MAST4: variants seen among roughly 807,000 people sequenced by gnomAD.
MAST4 encodes the protein microtubule associated serine/threonine kinase family member 4.
A neutral mutation model predicts 162.7 loss-of-function variants in MAST4; 89 were observed. That is an observed-to-expected ratio of 0.55 (90% CI 0.46 to 0.65). The LOEUF is 0.65. Among genes scored for constraint, MAST4 ranks in the 30% least tolerant of loss-of-function variants. MAST4 has a pLI of 0.00. For synonymous variants in MAST4, 1,479 were observed against 1,361.1 expected (o/e 1.09, Z -1.91); for missense variants, 3,153 against 3,374.0 (o/e 0.93, Z 1.62).
chr5:66,892,552 A>G (rs995570704), intron 3 of MAST4, among the ~76,000 whole-genome samples: 1 of 152,232 alleles, frequency 6.6e-6, no homozygotes, highest in East Asian at 1.9e-4. Context: ...CTGAAATTAC[A>G]GAACTTCAAG....
intron 4 of MAST4, among the ~76,000 whole-genome samples, chr5:66,987,838 T>A (rs1229229418): frequency 6.6e-6 from 1 of 152,212 alleles, no homozygotes; most frequent in Non-Finnish European, 1.5e-5. Context: ...CTATTTATTA[T>A]GTGGATTACA....
chr5:66,625,705 A>G (rs1744380816), intron 1 of MAST4, among the ~76,000 whole-genome samples: 1 of 152,214 alleles, frequency 6.6e-6, no homozygotes, highest in Admixed American at 6.5e-5. Flanking sequence ...GTAAATTAGT[A>G]TAGCCATTAT....
chr5:66,864,650 C>A (rs544272218), intron 3 of MAST4, among the ~76,000 whole-genome samples: 13 of 151,428 alleles, frequency 8.6e-5, no homozygotes, highest in Admixed American at 6.6e-4. Flanking sequence ...TATGTCCCCC[C>A]CCGAAAATAC....
At chr5:67,013,627 A>C (rs78142173) in intron 4 of MAST4, among the ~76,000 whole-genome samples, 3,195 of 151,734 alleles carry the variant, frequency 0.021, 52 homozygotes, top group Middle Eastern at 0.055. Flanking sequence ...TCAGCTATGA[A>C]ATCTGTAGAA....
At chr5:66,690,298 T>C (rs1748956735) in intron 1 of MAST4, among the ~76,000 whole-genome samples, 1 of 152,192 alleles carries the variant, frequency 6.6e-6, no homozygotes. Context: ...TAAGATATTC[T>C]GCGTTGTTAT....
At chr5:67,126,991 T>G (rs1768322477) in intron 14 of MAST4, among the ~76,000 whole-genome samples, 1 of 152,210 alleles carries the variant, frequency 6.6e-6, no homozygotes, top group Non-Finnish European at 1.5e-5. Context: ...AGGTATTTTA[T>G]TCTCTTTGTA....
chr5:66,631,571 G>A (rs60501083), intron 1 of MAST4, among the ~76,000 whole-genome samples: 3,349 of 152,150 alleles, frequency 0.022, 128 homozygotes, highest in African/African-American at 0.077. Flanking sequence ...CCTTTTGTGC[G>A]CTAGGTAATA....
chr5:67,142,314 A>G (rs1770494543), intron 20 of MAST4, 77 bp downstream of exon 20: 2 of 1,564,346 alleles, frequency 1.3e-6, no homozygotes, highest in Non-Finnish European at 1.8e-6. Flanking sequence ...GAACCTTTTC[A>G]TATCTCTGAG....
intron 1 of MAST4, among the ~76,000 whole-genome samples, chr5:66,680,294 A>G (rs1328858837): frequency 2.6e-5 from 4 of 152,196 alleles, no homozygotes; most frequent in African/African-American, 9.7e-5. Flanking sequence ...TTTGTAATCT[A>G]ATTTATTTGG....
chr5:66,993,659 G>A (rs2150288248), intron 4 of MAST4, among the ~76,000 whole-genome samples: 1 of 152,306 alleles, frequency 6.6e-6, no homozygotes, highest in Middle Eastern at 3.4e-3. Flanking sequence ...CAAAGGCAGT[G>A]AGGTGTGGCA....
chr5:67,078,907 T>TATAA (rs796522536), intron 5 of MAST4, among the ~76,000 whole-genome samples: 7,324 of 21,256 alleles, frequency 0.34, 1,228 homozygotes, highest in East Asian at 0.53. Flanking sequence ...TATATTTTTA[T>TATAA]ATAAATATAT....
At position 67,090,227 on chromosome 5, in the gene MAST4, C is replaced by A. The variant is rs1271570925; in HGVS notation, c.829C>A (p.Arg277=). ...TGCCTCAGCCCATTTTTCATTTGCA[C>A]GGAGGTAAGGACTTTTTGTGAGTGG... ...PSASAHFSFA[R]RTDGRRWSLA... The change falls in exon 6 of 29, where the codon CGG becomes AGG. Residue 277 remains arginine (R), a synonymous_variant. Coordinates refer to ENST00000403625, the MANE Select transcript of MAST4 (RefSeq NM_001164664.2). 2 of 1,611,546 alleles carry A rather than the reference C, an allele frequency of 1.2e-6. No individual in the cohort carries two copies. Among genetic ancestry groups the A allele is most frequent in the South Asian group, 2.2e-5 (2 of 90,782 alleles).
chr5:67,059,129 C>T (rs893026346), intron 5 of MAST4, among the ~76,000 whole-genome samples: 1 of 152,178 alleles, frequency 6.6e-6, no homozygotes, highest in African/African-American at 2.4e-5. Context: ...CTTTGTAGGA[C>T]TGAGTTCCCC....
chr5:66,837,894 A>ATTTTT (rs754095073), intron 3 of MAST4, among the ~76,000 whole-genome samples: 4 of 53,706 alleles, frequency 7.4e-5, no homozygotes, highest in Non-Finnish European at 6.0e-5. Context: ...ATATATATAT[A>ATTTTT]TTTTTTTTTT....
At position 66,763,071 on chromosome 5, in the gene MAST4, A is replaced by G. The variant is rs549381436; in HGVS notation, c.517+3209A>G. 1.4e-3 allele frequency among the ~76,000 whole-genome samples: 206 copies of G among 152,340 alleles called. 1 individual carries two copies. Among genetic ancestry groups the G allele is most frequent in the African/African-American group, 4.9e-3 (202 of 41,580 alleles). The stretch of plus-strand genomic sequence containing the variant: ...ACACTGTTAGCTCATTTTACACATG[A>G]GAACACTGAGGCACAAGCAGGTTGA... On this transcript the variant is annotated intron_variant, in intron 2 of 28. Transcript: ENST00000403625.
intron 1 of MAST4, among the ~76,000 whole-genome samples, chr5:66,608,620 G>T (rs574427747): frequency 2.0e-5 from 3 of 151,934 alleles, no homozygotes; most frequent in Non-Finnish European, 4.4e-5. Flanking sequence ...GACTCCAGAG[G>T]ACATGGTCAG....
chr5:66,990,635 C>T (rs1561509556), intron 4 of MAST4, among the ~76,000 whole-genome samples: 1 of 151,924 alleles, frequency 6.6e-6, no homozygotes, highest in Non-Finnish European at 1.5e-5. Flanking sequence ...GCCTTGTCTC[C>T]CCATCACAAA....
chr5:67,077,925 C>T (rs927321160), intron 5 of MAST4, among the ~76,000 whole-genome samples: 2 of 152,046 alleles, frequency 1.3e-5, no homozygotes, highest in African/African-American at 4.8e-5. Context: ...CATGGTGAAA[C>T]CCCCTCTCTA....
At chr5:66,959,352 C>T (rs16896058) in intron 4 of MAST4, 8,901 of 777,550 alleles carry the variant, frequency 0.011, 171 homozygotes, top group East Asian at 0.056. Context: ...CGCTTTCTGG[C>T]GACCAATAGC....
Sources: allele counts gnomAD v4.1 joint callset (sites outside exome capture counted in the v4.1 genomes callset), GRCh38; gene constraint gnomAD v4.1.1; transcripts MANE v1.5; gene names NCBI Gene and HGNC (gene_info 2026-07-23, HGNC 2026-07-21).